The following MEOX2 variants were observed in gnomAD, a reference collection of about 807,000 sequenced individuals.
MEOX2 encodes the protein mesenchyme homeobox 2, also known as homeobox protein MOX-2.
MEOX2 carries 11 observed loss-of-function variants against 27.0 expected under a neutral mutation model. The observed-to-expected ratio is 0.41, with a 90% CI of 0.26 to 0.68. The LOEUF (loss-of-function observed/expected upper bound fraction) is 0.68, where lower values mean the gene tolerates loss of function less well. Among genes scored for constraint, MEOX2 ranks in the 30% least tolerant of loss-of-function variants. MEOX2 has a pLI of 0.33. For synonymous variants in MEOX2, 189 were observed against 155.4 expected, an observed-to-expected ratio of 1.22 and a Z score of -1.61; for missense variants, 436 against 385.4, an observed-to-expected ratio of 1.13 and a Z score of -1.10.
At chr7:15,658,371 A>C (rs1781856846) in intron 1 of MEOX2, among the ~76,000 whole-genome samples, 1 of 152,114 alleles carries the variant, frequency 6.6e-6, no homozygotes, top group Non-Finnish European at 1.5e-5. Flanking sequence ...ACGGTGTTTG[A>C]CTGGAGTAGA....
At chr7:15,665,016 T>C (rs1781978133) in intron 1 of MEOX2, among the ~76,000 whole-genome samples, 1 of 149,806 alleles carries the variant, frequency 6.7e-6, no homozygotes. Context: ...CAGTCAGTGA[T>C]GACAGATTTA....
intron 1 of MEOX2, among the ~76,000 whole-genome samples, chr7:15,645,988 CT>C (rs1404461459): frequency 7.2e-5 from 11 of 152,148 alleles, no homozygotes; most frequent in African/African-American, 2.4e-4. Context: ...ATGCCTAATA[CT>C]CAAAATTAAG....
intron 2 of MEOX2, among the ~76,000 whole-genome samples, chr7:15,624,479 G>C (rs911051093): frequency 1.3e-5 from 2 of 152,108 alleles, no homozygotes; most frequent in Non-Finnish European, 2.9e-5. Flanking sequence ...TGGACAATGG[G>C]ACACTAGCAA....
rs868402755 is a variant in MEOX2, at chr7:15,663,575, G to A, written c.517+22311C>T. On this transcript the variant is annotated intron_variant, in intron 1 of 2. Coordinates refer to ENST00000262041, the MANE Select transcript of MEOX2 (RefSeq NM_005924.5). The stretch of plus-strand genomic sequence containing the variant: ...AGGCTGGTCTCGAACTCCTGACCTC[G>A]TGATCCACTCACCTTGGACTCCCAA... Among the ~76,000 whole-genome samples, 11 of 151,910 alleles carry A rather than the reference G, an allele frequency of 7.2e-5. No individual in the cohort carries two copies. In the East Asian group the frequency reaches 1.2e-3, roughly 16 times the overall value.
rs542285552 is a variant in MEOX2, at chr7:15,661,522, T to C, written c.517+24364A>G. On this transcript the variant is annotated intron_variant, in intron 1 of 2. Coordinates refer to ENST00000262041, the MANE Select transcript of MEOX2 (RefSeq NM_005924.5). Reference sequence around the variant, plus strand: ...TTTTAGAAGTTCATCACTTTGCCAATGGGAGGGACTCAATATGCACTTTAT... The same window carrying C: ...TTTTAGAAGTTCATCACTTTGCCAACGGGAGGGACTCAATATGCACTTTAT... 1.4e-4 allele frequency among the ~76,000 whole-genome samples: 22 copies of C among 152,300 alleles called. 1 individual carries two copies. The South Asian group carries it at 2.9e-3, about 20-fold the overall frequency.
At chr7:15,632,281 C>T (rs574718010) in intron 1 of MEOX2, among the ~76,000 whole-genome samples, 5 of 151,770 alleles carry the variant, frequency 3.3e-5, no homozygotes, top group African/African-American at 1.2e-4. Context: ...GTACATAACT[C>T]ATTTTAATTC....
intron 1 of MEOX2, among the ~76,000 whole-genome samples, chr7:15,683,877 A>C (rs571447642): frequency 2.0e-5 from 3 of 152,284 alleles, no homozygotes; most frequent in South Asian, 4.1e-4. Flanking sequence ...TAGCTGACAC[A>C]AACACTTATA....
intron 1 of MEOX2, among the ~76,000 whole-genome samples, chr7:15,631,666 T>C (rs554787789): frequency 1.3e-5 from 2 of 151,970 alleles, no homozygotes; most frequent in South Asian, 4.1e-4. Flanking sequence ...CATGATTGCA[T>C]CAGTATTTAG....
At chr7:15,655,365 A>G (rs766996363) in intron 1 of MEOX2, among the ~76,000 whole-genome samples, 6 of 151,490 alleles carry the variant, frequency 4.0e-5, no homozygotes, top group Non-Finnish European at 5.9e-5. Flanking sequence ...TTACTTTTAT[A>G]TATTTTCAAC....
intron 1 of MEOX2, among the ~76,000 whole-genome samples, chr7:15,661,200 T>A (rs1158662774): frequency 6.6e-6 from 1 of 152,008 alleles, no homozygotes; most frequent in South Asian, 2.1e-4. Context: ...ACTAAAAACA[T>A]AAATAGCTTT....
chr7:15,646,758 C>T (rs1261239197), intron 1 of MEOX2, among the ~76,000 whole-genome samples: 1 of 151,972 alleles, frequency 6.6e-6, no homozygotes, highest in Non-Finnish European at 1.5e-5. Flanking sequence ...TGACATAAAA[C>T]TAATGTTCAG....
At chr7:15,620,355 A>G (rs1781202665) in intron 2 of MEOX2, among the ~76,000 whole-genome samples, 1 of 152,216 alleles carries the variant, frequency 6.6e-6, no homozygotes, top group Non-Finnish European at 1.5e-5. Flanking sequence ...TTAGCTAAGT[A>G]ACTAAATGTA....
chr7:15,629,007 G>A (rs1017058633), intron 1 of MEOX2, among the ~76,000 whole-genome samples: 2 of 151,940 alleles, frequency 1.3e-5, no homozygotes, highest in East Asian at 3.9e-4. Flanking sequence ...TCTTTATGTG[G>A]AGACAATGCT....
At chr7:15,666,616 G>T (rs1782007946) in intron 1 of MEOX2, among the ~76,000 whole-genome samples, 1 of 151,450 alleles carries the variant, frequency 6.6e-6, no homozygotes, top group Non-Finnish European at 1.5e-5. Context: ...GCCGGGCGTT[G>T]TGGTATGTGC....
In MEOX2 at chr7:15,626,912, T is replaced by C. The variant is rs770604890; in HGVS notation, c.524A>G (p.Gln175Arg). 1.2e-6 allele frequency: 2 copies of C among 1,611,698 alleles called. No homozygotes were observed. The highest frequency in any genetic ancestry group is 1.1e-5 in the South Asian group (1 of 90,948). ...GKRKSDSSDS[Q>R]EGNYKSEVNS... is the part of the protein sequence containing the mutation. ...GACTTCTGACTTGTAATTTCCTTCC[T>C]GGGAGTCTGAAAAAAAAGGGAGACA... Residue 175 changes from glutamine (Q) to arginine (R), a missense_variant, in exon 2 of 3, where the codon CAG (glutamine) becomes CGG (arginine). Transcript: ENST00000262041.
At chr7:15,617,247 A>G (rs1781138443) in intron 2 of MEOX2, among the ~76,000 whole-genome samples, 1 of 152,086 alleles carries the variant, frequency 6.6e-6, no homozygotes, top group African/African-American at 2.4e-5. Context: ...TAATATTCCA[A>G]CTGTTTCCAT....
At chr7:15,618,404 G>A (rs1350143882) in intron 2 of MEOX2, among the ~76,000 whole-genome samples, 1 of 151,908 alleles carries the variant, frequency 6.6e-6, no homozygotes, top group Non-Finnish European at 1.5e-5. Flanking sequence ...TGAAGACATG[G>A]AATTTGTATA....
chr7:15,678,408 C>T (rs151290887), intron 1 of MEOX2, among the ~76,000 whole-genome samples: 11 of 152,294 alleles, frequency 7.2e-5, no homozygotes, highest in Middle Eastern at 3.4e-3. Context: ...GTCCCCATTA[C>T]GTTTCGGATA....
intron 1 of MEOX2, among the ~76,000 whole-genome samples, chr7:15,636,293 A>G (rs1479926252): frequency 1.3e-5 from 2 of 152,028 alleles, no homozygotes; most frequent in Non-Finnish European, 2.9e-5. Flanking sequence ...TTCTGAAATA[A>G]TCATATCGGA....
Sources: gnomAD v4.1 joint callset for allele counts (sites outside exome capture counted in the v4.1 genomes callset) on GRCh38, gnomAD v4.1.1 for gene constraint, MANE v1.5 for transcripts, NCBI Gene and HGNC (gene_info 2026-07-23, HGNC 2026-07-21) for gene names.